The following TMEM154 variants were observed in gnomAD, a reference collection of about 807,000 sequenced individuals.
TMEM154 encodes transmembrane protein 154.
TMEM154 carries 27 observed loss-of-function variants against 24.5 expected under a neutral mutation model. The ratio of observed to expected loss-of-function variants is 1.10; its 90% CI spans 0.81 to 1.52. The LOEUF (loss-of-function observed/expected upper bound fraction) is 1.52. Among genes scored for constraint, TMEM154 ranks in the 40% most tolerant of loss-of-function variants. The pLI, the probability that TMEM154 is intolerant of heterozygous loss-of-function variation, is 0.00. For synonymous variants in TMEM154, 67 were observed against 76.8 expected (o/e 0.87, Z 0.67); for missense variants, 228 against 213.4 (o/e 1.07, Z -0.43).
chr4:152,670,613 T>C (rs1383074994), intron 1 of TMEM154, among the ~76,000 whole-genome samples: 1 of 151,986 alleles, frequency 6.6e-6, no homozygotes, highest in Non-Finnish European at 1.5e-5. Context: ...AAAAATAAAA[T>C]AAAATAACTA....
intron 4 of TMEM154, among the ~76,000 whole-genome samples, chr4:152,643,547 C>T (rs1301152352): frequency 6.6e-6 from 1 of 152,238 alleles, no homozygotes; most frequent in Non-Finnish European, 1.5e-5. Flanking sequence ...AATTTCACTT[C>T]CTGTTCCTTG....
In TMEM154 at chr4:152,625,646, T is replaced by C. The variant is rs907347522; in HGVS notation, c.*2900A>G. On this transcript the variant is annotated 3_prime_UTR_variant, in exon 7 of 7. Transcript: ENST00000304385. ...TTGCAGTGAGCCGAGATCGTGACAC[T>C]GCACTCTAACCTGGGTGACAGAGTG... 1 of 147,338 alleles carries C rather than the reference T, an allele frequency of 6.8e-6. No individual in the cohort carries two copies. Among genetic ancestry groups the C allele is most frequent in the African/African-American group, 2.5e-5 (1 of 39,354 alleles). The allele number at this position is 147,338 out of a possible 1,614,324, so 9.1% of individuals were successfully genotyped here.
chr4:152,640,865 C>G (rs903754010), intron 6 of TMEM154, 63 bp downstream of exon 6: 158 of 1,397,310 alleles, frequency 1.1e-4, no homozygotes, highest in Non-Finnish European at 1.1e-4. Flanking sequence ...GTGTTCCACC[C>G]TGGTTCCCAA....
chr4:152,671,704 G>A (rs1356733791), intron 1 of TMEM154, among the ~76,000 whole-genome samples: 5 of 111,660 alleles, frequency 4.5e-5, no homozygotes, highest in African/African-American at 1.8e-4. Context: ...CCGAGATCCC[G>A]CCACTGCACT....
intron 1 of TMEM154, among the ~76,000 whole-genome samples, chr4:152,673,543 C>T (rs1320910958): frequency 2.0e-5 from 3 of 152,326 alleles, no homozygotes; most frequent in South Asian, 2.1e-4. Context: ...TCAAGTGATC[C>T]GCCTGCCTCT....
intron 1 of TMEM154, among the ~76,000 whole-genome samples, chr4:152,657,013 G>A (rs548504848): frequency 6.6e-6 from 1 of 150,750 alleles, no homozygotes; most frequent in East Asian, 1.9e-4. Context: ...TGGACCTGAA[G>A]AATTCATAAA....
intron 3 of TMEM154, among the ~76,000 whole-genome samples, chr4:152,644,784 G>GC (rs1752324641): frequency 6.6e-6 from 1 of 152,180 alleles, no homozygotes. Flanking sequence ...TTGCTCCTTG[G>GC]CCTCCTTCAG....
At chr4:152,649,790 C>G (rs1283445692) in intron 3 of TMEM154, among the ~76,000 whole-genome samples, 4 of 152,170 alleles carry the variant, frequency 2.6e-5, no homozygotes. Flanking sequence ...AAGATGGCAG[C>G]AGTAGAAAAG....
At chr4:152,672,212 G>A (rs1579538765) in intron 1 of TMEM154, among the ~76,000 whole-genome samples, 1 of 151,856 alleles carries the variant, frequency 6.6e-6, no homozygotes, top group Non-Finnish European at 1.5e-5. Context: ...ATCCAAGATC[G>A]TGCCACTGTA....
At chr4:152,668,707 C>G (rs1480293364) in intron 1 of TMEM154, 3 of 152,292 alleles carry the variant, frequency 2.0e-5, no homozygotes. Flanking sequence ...GGCTGCCACC[C>G]CAGGGGCTTG....
intron 1 of TMEM154, among the ~76,000 whole-genome samples, chr4:152,655,049 G>A (rs1171755190): frequency 1.3e-5 from 2 of 152,012 alleles, no homozygotes; most frequent in Admixed American, 6.5e-5. Flanking sequence ...AACTACCAAT[G>A]TTTGAAGAGT....
intron 1 of TMEM154, among the ~76,000 whole-genome samples, chr4:152,654,777 C>T (rs894815875): frequency 1.3e-5 from 2 of 152,206 alleles, no homozygotes. Context: ...AACTTCCCAG[C>T]CTCCAGAACT....
At chr4:152,635,487 A>G (rs1240697769) in intron 6 of TMEM154, among the ~76,000 whole-genome samples, 1 of 152,216 alleles carries the variant, frequency 6.6e-6, no homozygotes, top group Non-Finnish European at 1.5e-5. Flanking sequence ...TTGTTTTGAC[A>G]TGATGTAGAC....
chr4:152,622,638 A>G lies in TMEM154; in HGVS notation c.*5908T>C, dbSNP rs1179779679. The G allele has an allele frequency of 1.3e-5, 2 of 152,020 alleles. No homozygotes were observed. The highest frequency in any genetic ancestry group is 3.9e-4 in the East Asian group (2 of 5,194). The allele number at this position is 152,020 out of a possible 1,614,324, so 9.4% of individuals were successfully genotyped here. A position where few individuals can be genotyped will look rare whatever the true frequency, so the allele number is the denominator to read the frequency against. On this transcript the variant is annotated 3_prime_UTR_variant, in exon 7 of 7. Coordinates refer to ENST00000304385, the MANE Select transcript of TMEM154 (RefSeq NM_152680.3). ...TAGCACACAAACATGTACTTATTTT[A>G]TTTAAAAAAAAATGGAGTTGAGAAT...
rs569945870 is a variant in TMEM154, at chr4:152,628,419, CA to C, written c.*126del. 1.3e-4 allele frequency: 185 copies of C among 1,478,158 alleles called. No homozygotes were observed. The African/African-American group carries it at 2.4e-3, about 19-fold the overall frequency. The allele number at this position is 1,478,158 out of a possible 1,614,324, so 91.6% of individuals were successfully genotyped here. ...GAAGAGTGGGCGTTGGAAGAAACAG[CA>C]AAAGGTTCTTGTGTCTATGTTGATT... On this transcript the variant is annotated 3_prime_UTR_variant, in exon 7 of 7. Coordinates refer to ENST00000304385, the MANE Select transcript of TMEM154 (RefSeq NM_152680.3).
At chr4:152,642,192 T>C (rs936439522) in intron 5 of TMEM154, among the ~76,000 whole-genome samples, 10 of 152,104 alleles carry the variant, frequency 6.6e-5, no homozygotes, top group Non-Finnish European at 1.5e-4. Flanking sequence ...GTGCTGGGAT[T>C]ATAGGCGTGA....
intron 3 of TMEM154, among the ~76,000 whole-genome samples, chr4:152,646,148 AC>A (rs1383855639): frequency 6.6e-6 from 1 of 150,768 alleles, no homozygotes; most frequent in African/African-American, 2.4e-5. Flanking sequence ...TGCTGAATAA[AC>A]CCCTGACTAT....
chr4:152,647,580 T>C (rs1212210988), intron 3 of TMEM154, among the ~76,000 whole-genome samples: 1 of 152,234 alleles, frequency 6.6e-6, no homozygotes, highest in Non-Finnish European at 1.5e-5. Flanking sequence ...AAAAATAATG[T>C]ACCAATTTTT....
At chr4:152,649,602 G>A (rs1473980102) in intron 3 of TMEM154, among the ~76,000 whole-genome samples, 1 of 152,194 alleles carries the variant, frequency 6.6e-6, no homozygotes, top group African/African-American at 2.4e-5. Context: ...ATCTGTAACA[G>A]AAATATAGAT....
Sources: allele counts gnomAD v4.1 joint callset (sites outside exome capture counted in the v4.1 genomes callset), GRCh38; gene constraint gnomAD v4.1.1; transcripts MANE v1.5; gene names NCBI Gene and HGNC (gene_info 2026-07-23, HGNC 2026-07-21).